Variants in ENOX1 observed in about 807,000 individuals in gnomAD.
The protein encoded by ENOX1 is ecto-NOX disulfide-thiol exchanger 1.
Under a neutral mutation model 82.5 loss-of-function variants are expected in ENOX1, and 42 were observed. The observed-to-expected ratio is 0.51, with a 90% CI of 0.40 to 0.66. The LOEUF (loss-of-function observed/expected upper bound fraction) is 0.66, where lower values mean the gene tolerates loss of function less well. ENOX1 is among the 30% of genes least tolerant of loss of function. The pLI is 0.00. For synonymous variants in ENOX1, 271 were observed against 282.2 expected (o/e 0.96, Z 0.40); for missense variants, 608 against 811.6 (o/e 0.75, Z 3.05).
At chr13:43,257,187 T>C (rs955306772) in intron 14 of ENOX1, among the ~76,000 whole-genome samples, 3 of 152,158 alleles carry the variant, frequency 2.0e-5, no homozygotes, top group South Asian at 2.1e-4. Context: ...AGGTTGATTA[T>C]TGGGTGCAGG....
At position 43,614,622 on chromosome 13, in the gene ENOX1, C is replaced by T. The variant is rs191703596; in HGVS notation, c.-219+52857G>A. On this transcript the variant is annotated intron_variant, in intron 2 of 16. Transcript: ENST00000690772. ...CTCTCCCTCCCTCCTTCTCTCCCTG[C>T]TCACTGTCATCAGCTGGGTCCCAAT... 4.7e-5 allele frequency among the ~76,000 whole-genome samples: 7 copies of T among 149,392 alleles called. No individual in the cohort carries two copies. In the East Asian group the frequency reaches 1.4e-3, roughly 30 times the overall value.
chr13:43,505,463 T>C (rs1297823935), intron 2 of ENOX1, among the ~76,000 whole-genome samples: 1 of 152,030 alleles, frequency 6.6e-6, no homozygotes, highest in Non-Finnish European at 1.5e-5. Context: ...TCAAATTTTC[T>C]TTCTTAAATA....
At chr13:43,376,875 G>A (rs994939868) in intron 5 of ENOX1, among the ~76,000 whole-genome samples, 70 of 152,138 alleles carry the variant, frequency 4.6e-4, no homozygotes, top group Admixed American at 4.5e-3. Flanking sequence ...ATTGAAATCC[G>A]GGCACTTCTA....
At chr13:43,661,363 A>G (rs1453004881) in intron 2 of ENOX1, among the ~76,000 whole-genome samples, 1 of 152,172 alleles carries the variant, frequency 6.6e-6, no homozygotes, top group East Asian at 1.9e-4. Flanking sequence ...TCTTCCCCAT[A>G]GGGTCTGGGT....
At chr13:43,291,202 T>C (rs1463226225) in intron 12 of ENOX1, among the ~76,000 whole-genome samples, 1 of 152,224 alleles carries the variant, frequency 6.6e-6, no homozygotes, top group Non-Finnish European at 1.5e-5. Context: ...GAAGAACTGT[T>C]TGTTCTTCTG....
At chr13:43,341,338 G>T (rs1341503515) in intron 9 of ENOX1, among the ~76,000 whole-genome samples, 1 of 151,688 alleles carries the variant, frequency 6.6e-6, no homozygotes, top group Non-Finnish European at 1.5e-5. Context: ...AAATCTACTA[G>T]AAGAGGGTGG....
chr13:43,762,035 G>A (rs893526642), intron 1 of ENOX1, among the ~76,000 whole-genome samples: 6 of 152,162 alleles, frequency 3.9e-5, no homozygotes, highest in Non-Finnish European at 1.5e-5. Context: ...TAATGTGCAT[G>A]GGTGTATCTG....
intron 2 of ENOX1, among the ~76,000 whole-genome samples, chr13:43,485,233 A>G (rs2076372724): frequency 1.3e-5 from 2 of 152,288 alleles, no homozygotes; most frequent in African/African-American, 4.8e-5. Context: ...AGTGCAACAC[A>G]GAGACCCCCT....
chr13:43,389,366 T>G (rs958340906), intron 5 of ENOX1, among the ~76,000 whole-genome samples: 1 of 152,244 alleles, frequency 6.6e-6, no homozygotes, highest in Admixed American at 6.5e-5. Flanking sequence ...CATTCACCCA[T>G]GGAGTTAGTA....
chr13:43,600,954 G>A (rs2081686523), intron 2 of ENOX1, among the ~76,000 whole-genome samples: 2 of 152,266 alleles, frequency 1.3e-5, no homozygotes, highest in South Asian at 2.1e-4. Flanking sequence ...GTCTGCAAGC[G>A]TCACAGCTTG....
intron 12 of ENOX1, among the ~76,000 whole-genome samples, chr13:43,293,656 C>T (rs1371379551): frequency 6.6e-6 from 1 of 152,194 alleles, no homozygotes; most frequent in Non-Finnish European, 1.5e-5. Context: ...AAAAAACGTA[C>T]TTACTAAGCA....
At chr13:43,406,215 C>T (rs563313332) in intron 5 of ENOX1, among the ~76,000 whole-genome samples, 54 of 152,230 alleles carry the variant, frequency 3.5e-4, no homozygotes, top group African/African-American at 1.3e-3. Flanking sequence ...AGTGGAAACA[C>T]CAGTGAATGG....
At chr13:43,515,044 G>A (rs1340896252) in intron 2 of ENOX1, among the ~76,000 whole-genome samples, 1 of 152,078 alleles carries the variant, frequency 6.6e-6, no homozygotes, top group Non-Finnish European at 1.5e-5. Flanking sequence ...TCATTTTCAT[G>A]GGAATGCAAC....
At chr13:43,362,616 G>C (rs1274325962) in intron 5 of ENOX1, among the ~76,000 whole-genome samples, 1 of 152,100 alleles carries the variant, frequency 6.6e-6, no homozygotes, top group East Asian at 1.9e-4. Flanking sequence ...CCTCCGCATG[G>C]CCTCACTCTT....
chr13:43,518,866 A>G (rs1168244812), intron 2 of ENOX1, among the ~76,000 whole-genome samples: 1 of 152,136 alleles, frequency 6.6e-6, no homozygotes, highest in Non-Finnish European at 1.5e-5. Flanking sequence ...CACACACTCC[A>G]CAGTGTCCAC....
chr13:43,711,842 T>C (rs948160268), intron 1 of ENOX1, among the ~76,000 whole-genome samples: 57 of 150,202 alleles, frequency 3.8e-4, no homozygotes, highest in African/African-American at 1.4e-3. Flanking sequence ...GATGAGTAGG[T>C]TGTGAAAATT....
intron 5 of ENOX1, among the ~76,000 whole-genome samples, chr13:43,366,293 T>G (rs76601226): frequency 6.6e-6 from 1 of 151,930 alleles, no homozygotes; most frequent in Non-Finnish European, 1.5e-5. Flanking sequence ...TTTTTTTTTT[T>G]GACATGAGTG....
chr13:43,230,376 CA>C (rs1279790684), intron 15 of ENOX1, among the ~76,000 whole-genome samples: 1 of 152,058 alleles, frequency 6.6e-6, no homozygotes, highest in Non-Finnish European at 1.5e-5. Context: ...CTGCTTTGGA[CA>C]GGGGCAGGAA....
rs114840534 is a variant in ENOX1, at chr13:43,386,966, A to G, written c.208+24950T>C. On this transcript the variant is annotated intron_variant, in intron 5 of 16. Coordinates refer to ENST00000690772, the MANE Select transcript of ENOX1 (RefSeq NM_001347969.2). Reference sequence around the variant, plus strand: ...AATGGAATGTTGAAAAACAACTCCAATGAATTTAGAAATGGCAGAGGAAAA... The same window carrying G: ...AATGGAATGTTGAAAAACAACTCCAGTGAATTTAGAAATGGCAGAGGAAAA... 2.6e-3 allele frequency among the ~76,000 whole-genome samples: 396 copies of G among 152,362 alleles called. 1 individual carries two copies. The highest frequency in any genetic ancestry group is 9.0e-3 in the African/African-American group (374 of 41,586).
Sources: gnomAD v4.1 joint callset for allele counts (sites outside exome capture counted in the v4.1 genomes callset) on GRCh38, gnomAD v4.1.1 for gene constraint, MANE v1.5 for transcripts, NCBI Gene and HGNC (gene_info 2026-07-23, HGNC 2026-07-21) for gene names.